Variants in FAM193A observed in about 807,000 individuals in gnomAD.
FAM193A encodes the protein protein FAM193A.
FAM193A carries 22 observed loss-of-function variants against 126.5 expected under a neutral mutation model. The ratio of observed to expected loss-of-function variants is 0.17; its 90% CI spans 0.12 to 0.25. The LOEUF is 0.25. Ranked by LOEUF, FAM193A falls within the 10% of genes least tolerant of loss-of-function variation. The pLI, the probability that FAM193A is intolerant of heterozygous loss-of-function variation, is 1.00. For missense variants in FAM193A, 1,675 were observed against 1,672.8 expected, an observed-to-expected ratio of 1.00 and a Z score of -0.02; for synonymous variants, 761 against 646.8, an observed-to-expected ratio of 1.18 and a Z score of -2.68.
At chr4:2,618,497 G>A (rs560555933) in intron 2 of FAM193A, among the ~76,000 whole-genome samples, 4 of 151,800 alleles carry the variant, frequency 2.6e-5, no homozygotes, top group Non-Finnish European at 4.4e-5. Flanking sequence ...GTGCGATCTC[G>A]GCTCACTACA....
At chr4:2,704,261 C>CAA (rs958166050) in intron 19 of FAM193A, among the ~76,000 whole-genome samples, 82 of 89,250 alleles carry the variant, frequency 9.2e-4, no homozygotes, top group African/African-American at 1.5e-3. Flanking sequence ...GACTCCATCT[C>CAA]AAAAAAAAAA....
At chr4:2,594,846 T>TTTTTG (rs1740770434) in intron 1 of FAM193A, among the ~76,000 whole-genome samples, 2 of 143,744 alleles carry the variant, frequency 1.4e-5, no homozygotes, top group African/African-American at 2.6e-5. Context: ...TTTTTTTTTT[T>TTTTTG]GAGACTTAGT....
At chr4:2,548,668 G>T (rs1737718765) in intron 1 of FAM193A, among the ~76,000 whole-genome samples, 2 of 151,700 alleles carry the variant, frequency 1.3e-5, no homozygotes, top group Admixed American at 1.3e-4. Context: ...TATTGGCCAT[G>T]CTGGTCTTGA....
At chr4:2,646,661 G>C (rs774094376) in intron 6 of FAM193A, 24 bp from the exon 7 acceptor site, 4 of 1,576,978 alleles carry the variant, frequency 2.5e-6, no homozygotes, top group Non-Finnish European at 3.4e-6. Flanking sequence ...TCTTTCCTTT[G>C]TTACAAGGCC....
intron 1 of FAM193A, among the ~76,000 whole-genome samples, chr4:2,567,101 G>C (rs562335435): frequency 1.3e-5 from 2 of 150,560 alleles, no homozygotes; most frequent in Non-Finnish European, 3.0e-5. Context: ...CACCATGCCC[G>C]GCTCATTTTT....
At chr4:2,545,193 A>G (rs1418078361) in intron 1 of FAM193A, among the ~76,000 whole-genome samples, 1 of 152,166 alleles carries the variant, frequency 6.6e-6, no homozygotes, top group Non-Finnish European at 1.5e-5. Context: ...GGGTTTCACC[A>G]TGTTGGCCAG....
chr4:2,644,085 T>G (rs1560513924), intron 6 of FAM193A, among the ~76,000 whole-genome samples: 1 of 152,210 alleles, frequency 6.6e-6, no homozygotes, highest in Non-Finnish European at 1.5e-5. Flanking sequence ...ACCTGTTTGC[T>G]GAGCCATTGA....
At chr4:2,653,101 C>G (rs1489511141) in intron 7 of FAM193A, among the ~76,000 whole-genome samples, 1 of 152,208 alleles carries the variant, frequency 6.6e-6, no homozygotes, top group Non-Finnish European at 1.5e-5. Flanking sequence ...AGATAAAGTT[C>G]TAGTTTCAGA....
At chr4:2,627,908 A>T (rs1463379425) in intron 4 of FAM193A, among the ~76,000 whole-genome samples, 1 of 151,806 alleles carries the variant, frequency 6.6e-6, no homozygotes. Flanking sequence ...ACGCCCAGCT[A>T]ATTTTTTGTA....
At chr4:2,627,437 C>T (rs545464603) in intron 4 of FAM193A, among the ~76,000 whole-genome samples, 1 of 74,460 alleles carries the variant, frequency 1.3e-5, no homozygotes, top group East Asian at 4.9e-4. Context: ...GCGTGAGCCA[C>T]TGCGTCCGGC....
rs755032541 is a variant in FAM193A, at chr4:2,689,586, G to A, written c.2412G>A (p.Pro804=). The A allele has an allele frequency of 1.7e-5, 26 of 1,549,006 alleles. No individual in the cohort carries two copies. Among genetic ancestry groups the A allele is most frequent in the African/African-American group, 2.8e-5 (2 of 70,700 alleles). Residue 804 remains proline, a synonymous_variant, in exon 14 of 21, where the codon CCG becomes CCA. Transcript: ENST00000637812. ...FNASLQDHIY[P]SCFGNTPEWN... is the part of the protein sequence containing the mutation. ...CATCTCTTCAAGACCATATTTATCCGAGCTGTTTTGGGAATACTCCAGAGT... is the reference window on the plus strand; with the variant it reads ...CATCTCTTCAAGACCATATTTATCCAAGCTGTTTTGGGAATACTCCAGAGT...
In FAM193A at chr4:2,657,738, C is replaced by A. The variant is rs117129037; in HGVS notation, c.1312-65C>A. 1.4e-3 allele frequency: 1,398 copies of A among 1,005,192 alleles called. 9 individuals are homozygous for A. In the East Asian group the frequency reaches 0.022, roughly 16 times the overall value. The allele number at this position is 1,005,192 out of a possible 1,614,324, so 62.3% of individuals were successfully genotyped here. A position where few individuals can be genotyped will look rare whatever the true frequency, so the allele number is the denominator to read the frequency against. The stretch of plus-strand genomic sequence containing the variant: ...TAAGAAAGTCTCCTCTTGAAAATGT[C>A]TTGTATAATTGTCGCAGGTATTAAA... On this transcript the variant is annotated intron_variant, in intron 7 of 20. Transcript: ENST00000637812.
intron 19 of FAM193A, chr4:2,715,488 A>G (rs766358356): frequency 2.3e-5 from 23 of 986,688 alleles, no homozygotes; most frequent in Non-Finnish European, 2.8e-5. Flanking sequence ...TCTGGATGTC[A>G]TATGGGTGAG....
At chr4:2,674,506 G>A (rs1263834740) in intron 13 of FAM193A, among the ~76,000 whole-genome samples, 1 of 152,194 alleles carries the variant, frequency 6.6e-6, no homozygotes, top group African/African-American at 2.4e-5. Flanking sequence ...GGTGGGTGCT[G>A]AACGTGGAGG....
intron 5 of FAM193A, among the ~76,000 whole-genome samples, chr4:2,638,419 A>G (rs1744300845): frequency 6.6e-6 from 1 of 152,210 alleles, no homozygotes; most frequent in Admixed American, 6.6e-5. Flanking sequence ...GTCTCCTGCC[A>G]CGTGCATTTT....
chr4:2,715,639 A>T, intron 19 of FAM193A: 1 of 441,450 alleles, frequency 2.3e-6, no homozygotes, highest in Non-Finnish European at 3.3e-6. Context: ...GCTCTGCCTG[A>T]CTCCAACGGA....
intron 2 of FAM193A, among the ~76,000 whole-genome samples, chr4:2,622,292 T>A: frequency 7.1e-6 from 1 of 140,610 alleles, no homozygotes. Context: ...AACCTAAATG[T>A]CTCATCTAAT....
chr4:2,647,313 G>A (rs112906441), intron 7 of FAM193A, among the ~76,000 whole-genome samples: 7,508 of 152,022 alleles, frequency 0.049, 581 homozygotes, highest in African/African-American at 0.16. Context: ...TGCCTGGCTA[G>A]TTTTGTATTT....
intron 2 of FAM193A, chr4:2,608,209 G>A: frequency 7.4e-7 from 1 of 1,342,938 alleles, no homozygotes; most frequent in Non-Finnish European, 1.0e-6. Context: ...TTTCGAGACG[G>A]TCGGTCTCGC....
Sources: allele counts gnomAD v4.1 joint callset (sites outside exome capture counted in the v4.1 genomes callset), GRCh38; gene constraint gnomAD v4.1.1; transcripts MANE v1.5; gene names NCBI Gene and HGNC (gene_info 2026-07-23, HGNC 2026-07-21).